Variants in OPCML observed in about 807,000 individuals in gnomAD.
OPCML encodes the protein opioid binding protein/cell adhesion molecule like.
OPCML carries 13 observed loss-of-function variants against 37.8 expected under a neutral mutation model. That is an observed-to-expected ratio of 0.34 (90% CI 0.22 to 0.55). The LOEUF (loss-of-function observed/expected upper bound fraction) is 0.55, where lower values mean the gene tolerates loss of function less well. Ranked by LOEUF, OPCML falls within the 20% of genes least tolerant of loss-of-function variation. The pLI, the probability that OPCML is intolerant of heterozygous loss-of-function variation, is 0.91. For missense variants in OPCML, 341 were observed against 435.6 expected, an observed-to-expected ratio of 0.78 and a Z score of 1.93; for synonymous variants, 176 against 168.8, an observed-to-expected ratio of 1.04 and a Z score of -0.33.
rs868108731 is a variant in OPCML at position 133,128,559 on chromosome 11, C to T, written c.62-185549G>A. Among the ~76,000 whole-genome samples, 5 of 152,122 alleles carry T rather than the reference C, an allele frequency of 3.3e-5. 1 individual carries two copies. Among genetic ancestry groups the T allele is most frequent in the Admixed American group, 2.0e-4 (3 of 15,268 alleles). ...GCTCAGACTTTCAAACGGTGTAGTC[C>T]CTGCCAGTGGAGAGGACCCCTGGAG... On this transcript the variant is annotated intron_variant, in intron 1 of 7. Transcript: ENST00000524381.
At chr11:132,473,083 C>T (rs773789360) in intron 4 of OPCML, among the ~76,000 whole-genome samples, 2 of 152,164 alleles carry the variant, frequency 1.3e-5, no homozygotes, top group African/African-American at 2.4e-5. Flanking sequence ...GTTTAATGCA[C>T]GGCAATGAAA....
chr11:132,775,322 A>G (rs189652674), intron 2 of OPCML, among the ~76,000 whole-genome samples: 16 of 152,336 alleles, frequency 1.1e-4, no homozygotes, highest in Non-Finnish European at 1.9e-4. Flanking sequence ...GATTATTTGC[A>G]TTGCGTGATT....
intron 1 of OPCML, among the ~76,000 whole-genome samples, chr11:133,282,663 T>C (rs1027300960): frequency 1.1e-4 from 16 of 152,136 alleles, no homozygotes; most frequent in Non-Finnish European, 2.1e-4. Context: ...CCCAGAATGA[T>C]GGAGCCATGA....
At chr11:132,832,030 G>A (rs933731037) in intron 2 of OPCML, among the ~76,000 whole-genome samples, 2 of 151,794 alleles carry the variant, frequency 1.3e-5, no homozygotes, top group Non-Finnish European at 2.9e-5. Context: ...TACCTCTCTT[G>A]TGGGACATTT....
intron 1 of OPCML, among the ~76,000 whole-genome samples, chr11:133,015,415 GGAAGGAAGGAAGGAAT>G (rs1565398815): frequency 2.4e-3 from 267 of 109,370 alleles, no homozygotes; most frequent in African/African-American, 3.5e-3. Flanking sequence ...AAGGAAGGAA[GGAAGGAAGGAAGGAAT>G]GAAGGAAGGA....
chr11:132,919,867 G>A (rs962925836), intron 2 of OPCML, among the ~76,000 whole-genome samples: 16 of 152,222 alleles, frequency 1.1e-4, no homozygotes, highest in Non-Finnish European at 4.4e-5. Flanking sequence ...TGAAAGAATG[G>A]ATAAATAAAA....
At chr11:133,484,276 A>G (rs1947482046) in intron 1 of OPCML, among the ~76,000 whole-genome samples, 1 of 152,172 alleles carries the variant, frequency 6.6e-6, no homozygotes, top group Non-Finnish European at 1.5e-5. Flanking sequence ...GATATCAAAG[A>G]ATAACTCCAT....
At chr11:132,643,865 T>C (rs890529076) in intron 3 of OPCML, among the ~76,000 whole-genome samples, 3 of 152,204 alleles carry the variant, frequency 2.0e-5, no homozygotes, top group Non-Finnish European at 4.4e-5. Context: ...GTAAATCACA[T>C]ATGAAATCTA....
At chr11:132,837,575 T>C (rs1363566997) in intron 2 of OPCML, among the ~76,000 whole-genome samples, 1 of 152,138 alleles carries the variant, frequency 6.6e-6, no homozygotes, top group Non-Finnish European at 1.5e-5. Flanking sequence ...AAGAAAAATA[T>C]GTTAACAAAC....
chr11:133,193,928 AAAC>A (rs1284904244), intron 1 of OPCML, among the ~76,000 whole-genome samples: 1 of 152,228 alleles, frequency 6.6e-6, no homozygotes, highest in Non-Finnish European at 1.5e-5. Context: ...AAGAAAAAGA[AAAC>A]AACACTTAGA....
chr11:133,227,820 G>C (rs1482492127), intron 1 of OPCML, among the ~76,000 whole-genome samples: 1 of 152,152 alleles, frequency 6.6e-6, no homozygotes, highest in Non-Finnish European at 1.5e-5. Flanking sequence ...AGTCTCCTAG[G>C]GGTCCCAGCA....
At chr11:133,425,254 A>G (rs1945978186) in intron 1 of OPCML, among the ~76,000 whole-genome samples, 1 of 152,160 alleles carries the variant, frequency 6.6e-6, no homozygotes, top group Admixed American at 6.5e-5. Flanking sequence ...CAAATCACAT[A>G]AATATCTCAT....
chr11:132,639,127 C>T (rs1377613675), intron 3 of OPCML, among the ~76,000 whole-genome samples: 1 of 152,200 alleles, frequency 6.6e-6, no homozygotes, highest in Non-Finnish European at 1.5e-5. Flanking sequence ...TACCTATGGA[C>T]CTACCTTGAT....
intron 1 of OPCML, among the ~76,000 whole-genome samples, chr11:133,399,237 G>A (rs925617209): frequency 2.0e-5 from 3 of 152,210 alleles, no homozygotes; most frequent in African/African-American, 4.8e-5. Flanking sequence ...TTTTGGCAGG[G>A]ACTAGCTCAG....
chr11:132,623,410 G>C (rs1311044838), intron 3 of OPCML, among the ~76,000 whole-genome samples: 3 of 151,208 alleles, frequency 2.0e-5, no homozygotes, highest in Non-Finnish European at 2.9e-5. Context: ...TGCAAAAGCT[G>C]TTTTGGGGGA....
At chr11:133,399,797 C>T (rs1945361638) in intron 1 of OPCML, among the ~76,000 whole-genome samples, 1 of 151,716 alleles carries the variant, frequency 6.6e-6, no homozygotes, top group Non-Finnish European at 1.5e-5. Context: ...CATGTCATTT[C>T]TAGATGTGTC....
At chr11:132,557,385 G>A (rs552054981) in intron 3 of OPCML, among the ~76,000 whole-genome samples, 1 of 152,238 alleles carries the variant, frequency 6.6e-6, no homozygotes, top group South Asian at 2.1e-4. Flanking sequence ...ATTACGACTT[G>A]GTTTTCTTTC....
At chr11:132,716,412 G>GTCTA (rs61519269) in intron 2 of OPCML, among the ~76,000 whole-genome samples, 15,683 of 103,784 alleles carry the variant, frequency 0.15, 970 homozygotes, top group East Asian at 0.28. Flanking sequence ...CTATCTGTCT[G>GTCTA]TCTATCTATC....
chr11:132,921,176 T>C (rs1944786658), intron 2 of OPCML, among the ~76,000 whole-genome samples: 1 of 152,150 alleles, frequency 6.6e-6, no homozygotes, highest in African/African-American at 2.4e-5. Context: ...TGTCACCTTG[T>C]TTCCCTCAGC....
Sources: gnomAD v4.1 joint callset for allele counts (sites outside exome capture counted in the v4.1 genomes callset) on GRCh38, gnomAD v4.1.1 for gene constraint, MANE v1.5 for transcripts, NCBI Gene and HGNC (gene_info 2026-07-23, HGNC 2026-07-21) for gene names.